TPRX1: variants seen among roughly 807,000 people sequenced by gnomAD.
The protein encoded by TPRX1 is tetrapeptide repeat homeobox 1, also known as tetra-peptide repeat homeobox protein 1.
In TPRX1, 2 loss-of-function variants were observed where a neutral mutation model predicts 8.1. The ratio of observed to expected loss-of-function variants is 0.25; its 90% CI spans 0.10 to 0.78. The LOEUF (loss-of-function observed/expected upper bound fraction) is 0.78, where lower values mean the gene tolerates loss of function less well. TPRX1 is among the 30% of genes least tolerant of loss of function. The probability of loss-of-function intolerance (pLI) is 0.70; values close to 1 mark genes in which losing one functional copy is unlikely to be tolerated. For missense variants in TPRX1, 517 were observed against 586.9 expected (o/e 0.88, Z 1.23); for synonymous variants, 257 against 254.1 (o/e 1.01, Z -0.11).
rs575902923 is a variant in TPRX1 at position 47,804,896 on chromosome 19, C to T, written c.152-1223G>A. Reference sequence around the variant, plus strand: ...TCTCAGGAGAGGCACCGCCAGCCAGCCCCCAGGAGTCATCCTTGTTCCTTC... The same window carrying T: ...TCTCAGGAGAGGCACCGCCAGCCAGTCCCCAGGAGTCATCCTTGTTCCTTC... On this transcript the variant is annotated intron_variant, in intron 2 of 3. Transcript: ENST00000535759. Among the ~76,000 whole-genome samples the T allele has an allele frequency of 1.7e-3, 266 of 152,304 alleles. 1 individual carries two copies. The highest frequency in any genetic ancestry group is 6.3e-3 in the African/African-American group (262 of 41,582).
At chr19:47,802,724 G>C in exon 4 of TPRX1, 1 of 1,596,538 alleles carries the variant, frequency 6.3e-7, no homozygotes, top group Non-Finnish European at 8.5e-7. Context: ...GATCGGGCCA[G>C]GGCCTGGACT....
intron 2 of TPRX1, among the ~76,000 whole-genome samples, chr19:47,811,008 T>TA (rs71180884): frequency 2.5e-4 from 38 of 150,242 alleles, no homozygotes; most frequent in Non-Finnish European, 4.6e-4. Flanking sequence ...TTTTTTTTTT[T>TA]AATTTTATTT....
chr19:47,818,293 TCCATCCACCCATCCATCAC>T (rs1967865014), intron 2 of TPRX1, among the ~76,000 whole-genome samples: 2 of 131,986 alleles, frequency 1.5e-5, no homozygotes, highest in African/African-American at 7.4e-5. Flanking sequence ...CATCCATCCA[TCCATCCACCCATCCATCAC>T]CCATCCATCC....
chr19:47,802,986 G>A lies in TPRX1; in HGVS notation c.322-6C>T, dbSNP rs561670291. The A allele has an allele frequency of 9.2e-5, 142 of 1,542,550 alleles. No individual in the cohort carries two copies. In the South Asian group the frequency reaches 1.5e-3, roughly 16 times the overall value. On this transcript the variant is annotated splice_polypyrimidine_tract_variant and splice_region_variant and intron_variant, in intron 3 of 3. Coordinates refer to ENST00000535759, the Ensembl canonical transcript of TPRX1. ...CGGCGATTCTTGAACCACACCTGGG[G>A]GGCAGAGGGGACAGGGAGAAGGTGT...
At chr19:47,812,729 A>G (rs2123718282) in intron 2 of TPRX1, among the ~76,000 whole-genome samples, 1 of 152,038 alleles carries the variant, frequency 6.6e-6, no homozygotes, top group Middle Eastern at 3.4e-3. Flanking sequence ...AGAATAAAGC[A>G]AAGGTTAAGT....
chr19:47,806,030 G>A (rs984720011), intron 2 of TPRX1, among the ~76,000 whole-genome samples: 2 of 151,960 alleles, frequency 1.3e-5, no homozygotes, highest in African/African-American at 4.8e-5. Flanking sequence ...TTTAAGACCA[G>A]CCTGGCCAAC....
intron 2 of TPRX1, among the ~76,000 whole-genome samples, chr19:47,810,236 C>CA (rs1316589795): frequency 2.3e-5 from 2 of 86,534 alleles, no homozygotes; most frequent in African/African-American, 9.4e-5. Flanking sequence ...GCCCCGGCGA[C>CA]AGAGTGAGAC....
chr19:47,808,892 G>C (rs1967758849), intron 2 of TPRX1, among the ~76,000 whole-genome samples: 1 of 152,210 alleles, frequency 6.6e-6, no homozygotes, highest in South Asian at 2.1e-4. Context: ...CCACAAATTA[G>C]AAGATGATTA....
intron 3 of TPRX1, 93 bp from the exon 3 acceptor site, chr19:47,803,073 C>G (rs947236493): frequency 4.5e-5 from 63 of 1,404,632 alleles, no homozygotes; most frequent in Middle Eastern, 2.6e-4. Context: ...GAAGCCTCTC[C>G]CTGTGCTCAA....
At chr19:47,813,285 C>T (rs867701108) in intron 2 of TPRX1, among the ~76,000 whole-genome samples, 5 of 149,308 alleles carry the variant, frequency 3.3e-5, no homozygotes, top group Non-Finnish European at 7.4e-5. Flanking sequence ...AGTGATTCCC[C>T]GACCTGCACT....
intron 2 of TPRX1, among the ~76,000 whole-genome samples, chr19:47,817,976 G>A (rs1352938756): frequency 6.6e-6 from 1 of 152,210 alleles, no homozygotes; most frequent in Non-Finnish European, 1.5e-5. Context: ...CCAGGCATGG[G>A]ACCTGGTAGA....
chr19:47,815,161 T>TGCAA (rs1967827122), intron 2 of TPRX1, among the ~76,000 whole-genome samples: 1 of 85,468 alleles, frequency 1.2e-5, no homozygotes, highest in African/African-American at 5.3e-5. Flanking sequence ...TATATATATA[T>TGCAA]ATTTTTTTTT....
rs745709037 is a variant in TPRX1 at position 47,802,984 on chromosome 19, G to A, written c.322-4C>T. On this transcript the variant is annotated splice_polypyrimidine_tract_variant and splice_region_variant and intron_variant, in intron 3 of 3. Coordinates refer to ENST00000535759, the Ensembl canonical transcript of TPRX1. ...CGCGGCGATTCTTGAACCACACCTGGGGGGCAGAGGGGACAGGGAGAAGGT... is the reference window on the plus strand; with the variant it reads ...CGCGGCGATTCTTGAACCACACCTGAGGGGCAGAGGGGACAGGGAGAAGGT... 18 of 1,541,638 alleles carry A rather than the reference G, an allele frequency of 1.2e-5. No individual in the cohort carries two copies. Among genetic ancestry groups the A allele is most frequent in the African/African-American group, 1.4e-5 (1 of 73,792 alleles).
At chr19:47,817,656 G>A (rs775962774) in intron 2 of TPRX1, among the ~76,000 whole-genome samples, 1 of 152,174 alleles carries the variant, frequency 6.6e-6, no homozygotes, top group Non-Finnish European at 1.5e-5. Flanking sequence ...CCTAGAAGAT[G>A]GATGAGGTCA....
At chr19:47,801,745 G>C (rs1568613157) in exon 4 of TPRX1, 1 of 1,523,858 alleles carries the variant, frequency 6.6e-7, no homozygotes, top group South Asian at 1.3e-5. Context: ...GGCCCTCTGG[G>C]ATCTGAAGAA....
At chr19:47,816,257 G>A (rs1202897344) in intron 2 of TPRX1, among the ~76,000 whole-genome samples, 1 of 151,892 alleles carries the variant, frequency 6.6e-6, no homozygotes, top group Non-Finnish European at 1.5e-5. Flanking sequence ...TAGTAGAGAC[G>A]GGGTTTTGCC....
At chr19:47,817,908 C>T (rs999057831) in intron 2 of TPRX1, among the ~76,000 whole-genome samples, 5 of 152,240 alleles carry the variant, frequency 3.3e-5, no homozygotes, top group African/African-American at 9.6e-5. Flanking sequence ...CTCTCTCTGC[C>T]GCATCCGTAG....
intron 2 of TPRX1, among the ~76,000 whole-genome samples, chr19:47,805,185 T>C (rs1249643050): frequency 6.6e-6 from 1 of 152,216 alleles, no homozygotes; most frequent in Non-Finnish European, 1.5e-5. Context: ...TGGGGTGAAG[T>C]TCTGATAGGC....
At chr19:47,814,583 G>C (rs1278623966) in intron 2 of TPRX1, among the ~76,000 whole-genome samples, 1 of 152,040 alleles carries the variant, frequency 6.6e-6, no homozygotes, top group African/African-American at 2.4e-5. Flanking sequence ...TGGGGGCCTG[G>C]AGAGTGGGAA....
Sources: gnomAD v4.1 joint callset for allele counts (sites outside exome capture counted in the v4.1 genomes callset) on GRCh38, gnomAD v4.1.1 for gene constraint, MANE v1.5 for transcripts, NCBI Gene and HGNC (gene_info 2026-07-23, HGNC 2026-07-21) for gene names.